The following PDGFD variants were observed in gnomAD, a reference collection of about 807,000 sequenced individuals.
The protein encoded by PDGFD is platelet derived growth factor D, also known as platelet-derived growth factor D.
In PDGFD, 30 loss-of-function variants were observed where a neutral mutation model predicts 44.7. The observed-to-expected ratio is 0.67, with a 90% confidence interval of 0.50 to 0.91. PDGFD has a LOEUF of 0.91. PDGFD is among the 40% of genes least tolerant of loss of function. The pLI, the probability that PDGFD is intolerant of heterozygous loss-of-function variation, is 0.00. For synonymous variants in PDGFD, 173 were observed against 168.4 expected, an observed-to-expected ratio of 1.03 and a Z score of -0.21; for missense variants, 445 against 457.8, an observed-to-expected ratio of 0.97 and a Z score of 0.25.
At chr11:104,135,405 G>A (rs1176142221) in intron 1 of PDGFD, among the ~76,000 whole-genome samples, 1 of 152,208 alleles carries the variant, frequency 6.6e-6, no homozygotes, top group Non-Finnish European at 1.5e-5. Context: ...GCAGGGAGAA[G>A]AGAGTAGTCC....
At position 104,036,726 on chromosome 11, in the gene PDGFD, G is replaced by A. The variant is rs1184819016; in HGVS notation, c.125-36471C>T. 5 of 936,484 alleles carry A rather than the reference G, an allele frequency of 5.3e-6. No homozygotes were observed. The African/African-American group carries it at 6.6e-5, about 12-fold the overall frequency. 58.0% of individuals were successfully genotyped at this position (936,484 alleles called of 1,614,324 possible). On this transcript the variant is annotated intron_variant, in intron 1 of 6. Coordinates refer to ENST00000393158, the MANE Select transcript of PDGFD (RefSeq NM_025208.5). ...AGCCCGGACGGTCCCTACCTACCAA[G>A]TCCTGAGGAGCAGCGGCACCAACGA...
intron 1 of PDGFD, among the ~76,000 whole-genome samples, chr11:104,095,532 G>A (rs1016146458): frequency 6.6e-6 from 1 of 151,754 alleles, no homozygotes; most frequent in African/African-American, 2.4e-5. Context: ...CATAAAATCA[G>A]TTTCCTGTCA....
intron 1 of PDGFD, among the ~76,000 whole-genome samples, chr11:104,090,559 G>A (rs1279457810): frequency 6.6e-6 from 1 of 151,298 alleles, no homozygotes; most frequent in African/African-American, 2.4e-5. Context: ...TACCCAGGAG[G>A]TGGAGGTTGC....
At chr11:103,999,934 G>A (rs1383431020) in intron 2 of PDGFD, 117 bp downstream of exon 2, 14 of 854,064 alleles carry the variant, frequency 1.6e-5, no homozygotes, top group Non-Finnish European at 1.8e-6. Flanking sequence ...AAAAAGAAGC[G>A]ACACATGTTG....
rs1565347744 is a variant in PDGFD at position 104,144,538 on chromosome 11, A to AAAAAAAACC, written c.124+19265_124+19266insGGTTTTTTT. Among the ~76,000 whole-genome samples, 39 of 134,274 alleles carry AAAAAAAACC rather than the reference A, an allele frequency of 2.9e-4. 1 individual carries two copies. The highest frequency in any genetic ancestry group is 3.8e-3 in the Middle Eastern group (1 of 266). The allele number at this position is 134,274 out of a possible 152,430, so 88.1% of individuals were successfully genotyped here. On this transcript the variant is annotated intron_variant, in intron 1 of 6. Coordinates refer to ENST00000393158, the MANE Select transcript of PDGFD (RefSeq NM_025208.5). ...AAAAAAAAAAAAAAAACCCAACAAAACAAAACAAACAAACAAAAAGGCCAA... is the reference window on the plus strand; with the variant it reads ...AAAAAAAAAAAAAAAACCCAACAAAAAAAAAAACCCAAAACAAACAAACAAAAAGGCCAA...
chr11:104,065,533 T>A, intron 1 of PDGFD, among the ~76,000 whole-genome samples: 1 of 152,084 alleles, frequency 6.6e-6, no homozygotes. Context: ...CAAATAAATA[T>A]AAATAAAATA....
intron 1 of PDGFD, among the ~76,000 whole-genome samples, chr11:104,044,993 G>A (rs1053612815): frequency 2.0e-5 from 3 of 152,196 alleles, no homozygotes; most frequent in Non-Finnish European, 2.9e-5. Context: ...AGCCGAGATC[G>A]CACCACTGCA....
chr11:104,038,133 G>A, intron 1 of PDGFD: 1 of 1,027,400 alleles, frequency 9.7e-7, no homozygotes, highest in Non-Finnish European at 1.4e-6. Flanking sequence ...CCTGGCCTTG[G>A]GACTACGTTC....
At chr11:104,037,767 G>A in intron 1 of PDGFD, 1 of 1,614,132 alleles carries the variant, frequency 6.2e-7, no homozygotes, top group Non-Finnish European at 8.5e-7. Context: ...ATTTCTTACA[G>A]TGCTCTTTCT....
chr11:103,926,945 G>C lies in PDGFD; in HGVS notation c.954C>G (p.Cys318Trp), dbSNP rs140333586. 6.2e-7 allele frequency: 1 copy of C among 1,613,968 alleles called. No homozygotes were observed. The highest frequency in any genetic ancestry group is 8.5e-7 in the Non-Finnish European group (1 of 1,180,004). The change falls in exon 6 of 7, where the codon TGC becomes TGG. Residue 318 changes from cysteine (C) to tryptophan (W), a missense_variant. Physicochemically the swap from Cys to Trp is radical, Grantham distance 215. Coordinates refer to ENST00000393158, the MANE Select transcript of PDGFD (RefSeq NM_025208.5). ...CGTVNWRSCT[C>W]NSGKTVKKYH... ...ACTTTTTCACGGTTTTCCCTGAATT[G>C]CATGTGCAGGACCTCCAGTTGACAG...
At position 103,962,088 on chromosome 11, in the gene PDGFD, G is replaced by C. The variant is rs1369829180; in HGVS notation, c.511-14364C>G. ...AACAGATAGCTATTCAGGGAAATGA[G>C]GGTGGTGGAAAAAAATTGAAGACAA... is the stretch of plus-strand genomic sequence containing the variant. On this transcript the variant is annotated intron_variant, in intron 3 of 6. Transcript: ENST00000393158. Among the ~76,000 whole-genome samples, 3 of 152,278 alleles carry C rather than the reference G, an allele frequency of 2.0e-5. No individual in the cohort carries two copies. The East Asian group carries it at 5.8e-4, about 29-fold the overall frequency.
At chr11:103,957,102 C>T (rs1221738414) in intron 3 of PDGFD, among the ~76,000 whole-genome samples, 1 of 152,058 alleles carries the variant, frequency 6.6e-6, no homozygotes, top group Non-Finnish European at 1.5e-5. Context: ...GTTGCCATTG[C>T]TTTTGGTGTT....
At chr11:104,149,424 A>G (rs1862210600) in intron 1 of PDGFD, among the ~76,000 whole-genome samples, 1 of 152,222 alleles carries the variant, frequency 6.6e-6, no homozygotes, top group South Asian at 2.1e-4. Context: ...ATTCAAGAAG[A>G]AAATGAATAA....
chr11:103,938,697 T>G (rs1858532812), intron 5 of PDGFD, among the ~76,000 whole-genome samples: 1 of 152,226 alleles, frequency 6.6e-6, no homozygotes, highest in African/African-American at 2.4e-5. Flanking sequence ...GGTCTAACAT[T>G]TAAGTCTTTA....
chr11:103,966,921 C>T (rs1859028715), intron 3 of PDGFD, among the ~76,000 whole-genome samples: 1 of 152,186 alleles, frequency 6.6e-6, no homozygotes, highest in African/African-American at 2.4e-5. Flanking sequence ...AGTGCTTCCC[C>T]TGAGGCCTAC....
chr11:104,095,487 C>A (rs1488009760), intron 1 of PDGFD, among the ~76,000 whole-genome samples: 1 of 152,004 alleles, frequency 6.6e-6, no homozygotes, highest in Non-Finnish European at 1.5e-5. Flanking sequence ...TTTCAGTCAC[C>A]AAAAGACCCT....
In PDGFD at chr11:103,937,276, C is replaced by G. The variant is rs141772488; in HGVS notation, c.772+6176G>C. Among the ~76,000 whole-genome samples the G allele has an allele frequency of 7.7e-4, 117 of 152,232 alleles. 1 individual carries two copies. In the East Asian group the frequency reaches 0.02, roughly 25 times the overall value. On this transcript the variant is annotated intron_variant, in intron 5 of 6. Transcript: ENST00000393158. ...TTTTGTTCATATTTTAATCAAAACA[C>G]AAGCTTTGAAAACAGGTTTCCCTCC...
intron 1 of PDGFD, among the ~76,000 whole-genome samples, chr11:104,069,791 C>T (rs769876189): frequency 2.0e-5 from 3 of 152,142 alleles, no homozygotes; most frequent in African/African-American, 7.2e-5. Context: ...ACCCGGGAGG[C>T]GGAGCTTGCA....
At chr11:104,033,418 G>C (rs1449094495) in intron 1 of PDGFD, among the ~76,000 whole-genome samples, 1 of 152,038 alleles carries the variant, frequency 6.6e-6, no homozygotes, top group African/African-American at 2.4e-5. Context: ...TTGCTTTCCA[G>C]TGTCTGTTCT....
Sources: gnomAD v4.1 joint callset for allele counts (sites outside exome capture counted in the v4.1 genomes callset) on GRCh38, gnomAD v4.1.1 for gene constraint, MANE v1.5 for transcripts, NCBI Gene and HGNC (gene_info 2026-07-23, HGNC 2026-07-21) for gene names.